PDE6B: variants seen among roughly 807,000 people sequenced by gnomAD.
PDE6B encodes the protein phosphodiesterase 6B.
In PDE6B, 106 loss-of-function variants were observed where a neutral mutation model predicts 109.0. That is an observed-to-expected ratio of 0.97 (90% confidence interval 0.83 to 1.14). The LOEUF is 1.14. PDE6B is among the 50% of genes most tolerant of loss of function. The pLI is 0.00. For synonymous variants in PDE6B, 490 were observed against 471.3 expected, an observed-to-expected ratio of 1.04 and a Z score of -0.51; for missense variants, 1,193 against 1,155.6, an observed-to-expected ratio of 1.03 and a Z score of -0.47.
Position 658,967 on chromosome 4 carries a change from C to A in PDE6B, c.1417C>A (p.Leu473Met), listed in dbSNP as rs1342420559. 5 of 1,613,276 alleles carry A rather than the reference C, an allele frequency of 3.1e-6. No individual in the cohort carries two copies. The Admixed American group carries it at 8.3e-5, about 27-fold the overall frequency. ...CTCTGTGTAGCCAACCAGAGCGCGCCTGGGGAAGGAGCCTGCTGACTGCGA... is the reference window on the plus strand; with the variant it reads ...CTCTGTGTAGCCAACCAGAGCGCGCATGGGGAAGGAGCCTGCTGACTGCGA... Reference protein sequence around the residue: ...IQLILPTRARLGKEPADCDED... With the variant: ...IQLILPTRARMGKEPADCDED... Residue 473 changes from leucine to methionine, a missense_variant, in exon 11 of 22, where the codon CTG becomes ATG. Leu to Met is a conservative substitution (Grantham distance 15, BLOSUM62 2). Coordinates refer to ENST00000496514, the MANE Select transcript of PDE6B (RefSeq NM_000283.4).
At chr4:668,041 G>A (rs776569211) in intron 21 of PDE6B, 35 bp downstream of exon 21, 30 of 1,595,426 alleles carry the variant, frequency 1.9e-5, no homozygotes, top group Non-Finnish European at 2.4e-5. Context: ...GCAGGGACTC[G>A]GTGACTCTCC....
chr4:655,041 G>T, intron 6 of PDE6B, 153 bp downstream of exon 6: 1 of 672,418 alleles, frequency 1.5e-6, no homozygotes. Flanking sequence ...TGTGTGCCGT[G>T]GGGCATAGTG....
At chr4:631,134 T>G (rs893061977) in intron 1 of PDE6B, among the ~76,000 whole-genome samples, 1 of 152,108 alleles carries the variant, frequency 6.6e-6, no homozygotes, top group African/African-American at 2.4e-5. Context: ...GGGGAGAGAC[T>G]ATGAAGAAGA....
intron 8 of PDE6B, 93 bp from the exon 9 acceptor site, chr4:656,781 A>C: frequency 8.5e-7 from 1 of 1,180,466 alleles, no homozygotes; most frequent in Non-Finnish European, 1.3e-6. Flanking sequence ...TCACGGCTCT[A>C]GGGGAGAAGA....
intron 11 of PDE6B, among the ~76,000 whole-genome samples, chr4:660,239 G>A (rs1736902226): frequency 6.6e-6 from 1 of 152,204 alleles, no homozygotes; most frequent in South Asian, 2.1e-4. Flanking sequence ...ACCCAACTGG[G>A]CAAGTTCTTC....
chr4:631,724 G>A (rs1734395275), intron 1 of PDE6B, among the ~76,000 whole-genome samples: 1 of 150,662 alleles, frequency 6.6e-6, no homozygotes, highest in African/African-American at 2.4e-5. Context: ...GACCATCAAA[G>A]GGTCATGAGG....
chr4:640,812 G>A (rs72613107), intron 3 of PDE6B, among the ~76,000 whole-genome samples: 16,820 of 152,188 alleles, frequency 0.11, 982 homozygotes, highest in East Asian at 0.21. Flanking sequence ...TTTCTCCGTC[G>A]TATTGCTTTT....
At chr4:655,343 C>G (rs893255617) in intron 6 of PDE6B, 16 of 277,548 alleles carry the variant, frequency 5.8e-5, no homozygotes, top group Non-Finnish European at 1.1e-4. Flanking sequence ...AGGACTCCAG[C>G]CAAGGGAGGG....
In PDE6B at chr4:662,400, G is replaced by A. The variant is rs1366476620; in HGVS notation, c.1723-109G>A. 2.6e-5 allele frequency: 22 copies of A among 858,348 alleles called. No homozygotes were observed. The highest frequency in any genetic ancestry group is 9.6e-5 in the Admixed American group (5 of 51,902). The allele number at this position is 858,348 out of a possible 1,614,324, so 53.2% of individuals were successfully genotyped here. A position where few individuals can be genotyped will look rare whatever the true frequency, so the allele number is the denominator to read the frequency against. On this transcript the variant is annotated intron_variant, in intron 13 of 21. Transcript: ENST00000496514. The surrounding 1 kb of genome is among the most constrained non-coding windows in gnomAD (Gnocchi z 4.3). Reference sequence around the variant, plus strand: ...GTGCACCGCGCACCCCAGCCCTGCGGTGGTCGGAGGTCCAACCTCCAACCC... The same window carrying A: ...GTGCACCGCGCACCCCAGCCCTGCGATGGTCGGAGGTCCAACCTCCAACCC...
rs565205055 is a variant in PDE6B, at chr4:670,551, A to G, written c.*444A>G. 33 of 221,426 alleles carry G rather than the reference A, an allele frequency of 1.5e-4. No homozygotes were observed. The highest frequency in any genetic ancestry group is 1.3e-3 in the South Asian group (23 of 17,300). The allele number at this position is 221,426 out of a possible 1,614,324, so 13.7% of individuals were successfully genotyped here. ...GCCACCACGCCCAGCCTGTTTTTAT[A>G]AACTGAAGCCAACTGTGAATAAACT... On this transcript the variant is annotated 3_prime_UTR_variant, in exon 22 of 22. Coordinates refer to ENST00000496514, the MANE Select transcript of PDE6B (RefSeq NM_000283.4).
chr4:662,954 G>A lies in PDE6B; in HGVS notation c.1833-146G>A, dbSNP rs1312890886. On this transcript the variant is annotated intron_variant, in intron 14 of 21. Transcript: ENST00000496514. This position sits in a 1 kb window ranked among gnomAD's most constrained non-coding sequence, Gnocchi z 4.3. Reference sequence around the variant, plus strand: ...GGAGGTCAAGGCTGTATTGAGCCATGATTGCACCACTGCACTCCAGAGTGG... The same window carrying A: ...GGAGGTCAAGGCTGTATTGAGCCATAATTGCACCACTGCACTCCAGAGTGG... 13 of 680,600 alleles carry A rather than the reference G, an allele frequency of 1.9e-5. No individual in the cohort carries two copies. The Middle Eastern group carries it at 1.8e-3, about 95-fold the overall frequency. The allele number at this position is 680,600 out of a possible 1,614,324, so 42.2% of individuals were successfully genotyped here.
chr4:646,852 T>A (rs991975531), intron 3 of PDE6B, among the ~76,000 whole-genome samples: 2 of 151,684 alleles, frequency 1.3e-5, no homozygotes, highest in Non-Finnish European at 2.9e-5. Flanking sequence ...ATATTGATCA[T>A]CATAATTTTC....
intron 10 of PDE6B, among the ~76,000 whole-genome samples, chr4:658,481 G>A (rs1345845082): frequency 6.6e-6 from 1 of 151,624 alleles, no homozygotes; most frequent in East Asian, 2.0e-4. Flanking sequence ...CAGCTGTGTG[G>A]GGCAGGTCAC....
chr4:663,225 G>T lies in PDE6B; in HGVS notation c.1920+38G>T, dbSNP rs746714791. 8.5e-7 allele frequency: 1 copy of T among 1,171,084 alleles called. No individual in the cohort carries two copies. The highest frequency in any genetic ancestry group is 1.5e-5 in the African/African-American group (1 of 66,414). 72.5% of individuals were successfully genotyped at this position (1,171,084 alleles called of 1,614,324 possible). A position where few individuals can be genotyped will look rare whatever the true frequency, so the allele number is the denominator to read the frequency against. On this transcript the variant is annotated intron_variant, in intron 15 of 21. Transcript: ENST00000496514. This position sits in a 1 kb window ranked among gnomAD's most constrained non-coding sequence, Gnocchi z 4.0. ...ACCCTCGGTTTCTGCTGTGGGCGCT[G>T]GGGACGCAGCGTCCGCAGGACGGCA...
chr4:664,880 G>A lies in PDE6B; in HGVS notation c.2130-1G>A, dbSNP rs148555862. 16 of 1,612,892 alleles carry A rather than the reference G, an allele frequency of 9.9e-6. No individual in the cohort carries two copies. The Admixed American group carries it at 2.7e-4, about 27-fold the overall frequency. On this transcript the variant is annotated splice_acceptor_variant, in intron 17 of 21. Transcript: ENST00000496514. LOFTEE classifies it high-confidence loss of function. ...CACTCGTGCCCGGTTTGTGTCTGCAGGGCCATGATGATGACAGCCTGCGAC... is the reference window on the plus strand; with the variant it reads ...CACTCGTGCCCGGTTTGTGTCTGCAAGGCCATGATGATGACAGCCTGCGAC...
In PDE6B at chr4:651,362, A is replaced by C. The variant is rs1326127253; in HGVS notation, c.712-2490A>C. 4.6e-5 allele frequency among the ~76,000 whole-genome samples: 7 copies of C among 151,814 alleles called. 1 individual carries two copies. Among genetic ancestry groups the C allele is most frequent in the African/African-American group, 7.3e-5 (3 of 41,304 alleles). ...GGGCCCCAGGGGTTGGTGGGTCCTC[A>C]GGGGGGGCCTCCTGGAAAGGACTTG... On this transcript the variant is annotated intron_variant, in intron 3 of 21. Transcript: ENST00000496514.
At chr4:664,382 T>C (rs1302263166) in intron 17 of PDE6B, among the ~76,000 whole-genome samples, 161 bp downstream of exon 17, 1 of 151,986 alleles carries the variant, frequency 6.6e-6, no homozygotes, top group Non-Finnish European at 1.5e-5. Context: ...CGTCCTTATT[T>C]CCCCCCAGCT....
intron 1 of PDE6B, among the ~76,000 whole-genome samples, chr4:632,608 G>A (rs1264626604): frequency 2.1e-5 from 3 of 144,768 alleles, no homozygotes; most frequent in African/African-American, 7.8e-5. Context: ...CACGTTGTGT[G>A]GATCCGTGTG....
intron 6 of PDE6B, 113 bp from the exon 7 acceptor site, chr4:655,827 G>A: frequency 1.3e-6 from 1 of 766,940 alleles, no homozygotes; most frequent in Non-Finnish European, 2.4e-6. Flanking sequence ...ACACACACGT[G>A]CAGCCTAGAC....
Sources: allele counts gnomAD v4.1 joint callset (sites outside exome capture counted in the v4.1 genomes callset), GRCh38; gene constraint gnomAD v4.1.1; non-coding constraint Gnocchi (gnomAD v3.1); transcripts MANE v1.5; gene names NCBI Gene and HGNC (gene_info 2026-07-23, HGNC 2026-07-21).